Variants in VMP1 observed in about 807,000 individuals in gnomAD.
VMP1 encodes ectopic P-granules autophagy protein 3 homolog.
In VMP1, 11 loss-of-function variants were observed where a neutral mutation model predicts 56.0. That is an observed-to-expected ratio of 0.20 (90% confidence interval 0.12 to 0.32). The LOEUF (loss-of-function observed/expected upper bound fraction) is 0.32. VMP1 is among the 10% of genes least tolerant of loss of function. The pLI is 1.00. For missense variants in VMP1, 296 were observed against 490.3 expected, an observed-to-expected ratio of 0.60 and a Z score of 3.74; for synonymous variants, 149 against 165.0, an observed-to-expected ratio of 0.90 and a Z score of 0.74.
intron 5 of VMP1, among the ~76,000 whole-genome samples, chr17:59,750,302 A>T (rs1309366269): frequency 2.1e-4 from 30 of 143,112 alleles, no homozygotes; most frequent in East Asian, 6.1e-4. Context: ...ACAATGAATA[A>T]TTTTTTTTTT....
intron 7 of VMP1, among the ~76,000 whole-genome samples, chr17:59,780,418 G>A (rs929473652): frequency 4.6e-5 from 7 of 152,074 alleles, no homozygotes; most frequent in Non-Finnish European, 7.4e-5. Context: ...TGGTGAAACC[G>A]CATCTCTACC....
At chr17:59,748,206 A>G (rs998184764) in intron 5 of VMP1, among the ~76,000 whole-genome samples, 1 of 151,982 alleles carries the variant, frequency 6.6e-6, no homozygotes, top group Non-Finnish European at 1.5e-5. Context: ...AAAAAAAAAA[A>G]AAAAAAAAAA....
intron 10 of VMP1, among the ~76,000 whole-genome samples, chr17:59,819,571 A>G (rs964948833): frequency 6.6e-6 from 1 of 152,164 alleles, no homozygotes; most frequent in Admixed American, 6.6e-5. Context: ...CTTCTGCATC[A>G]GCCTCCTGAG....
chr17:59,716,170 G>A (rs566936138), intron 1 of VMP1, among the ~76,000 whole-genome samples: 1 of 152,258 alleles, frequency 6.6e-6, no homozygotes, highest in Admixed American at 6.5e-5. Context: ...ATAAATGTCA[G>A]AGCAAGTGTT....
intron 7 of VMP1, among the ~76,000 whole-genome samples, chr17:59,777,276 T>TA (rs752419887): frequency 6.6e-6 from 1 of 152,228 alleles, no homozygotes; most frequent in Non-Finnish European, 1.5e-5. Flanking sequence ...GAAAATGTGA[T>TA]ACCATACATT....
chr17:59,734,708 G>A (rs1231397013), intron 2 of VMP1, among the ~76,000 whole-genome samples: 2 of 151,958 alleles, frequency 1.3e-5, no homozygotes, highest in Non-Finnish European at 2.9e-5. Context: ...ATTCCAGCTT[G>A]GGCAACGGAA....
chr17:59,822,896 G>A (rs1476769600), intron 10 of VMP1, among the ~76,000 whole-genome samples: 5 of 152,058 alleles, frequency 3.3e-5, no homozygotes, highest in African/African-American at 9.7e-5. Flanking sequence ...TGGAAACATA[G>A]TAAGACTCTG....
intron 1 of VMP1, among the ~76,000 whole-genome samples, chr17:59,712,194 T>C (rs1041862424): frequency 1.3e-5 from 2 of 152,220 alleles, no homozygotes; most frequent in Admixed American, 6.5e-5. Context: ...CAAGAACTCT[T>C]TCCCAGCCCT....
chr17:59,784,873 T>A (rs184723644), intron 7 of VMP1: 20 of 152,302 alleles, frequency 1.3e-4, no homozygotes, highest in African/African-American at 4.1e-4. Flanking sequence ...TTTTACTTTT[T>A]AAAATTTTTT....
At chr17:59,811,329 G>A (rs556622285) in intron 8 of VMP1, among the ~76,000 whole-genome samples, 20 of 152,218 alleles carry the variant, frequency 1.3e-4, no homozygotes, top group African/African-American at 4.3e-4. Flanking sequence ...TCAACTGAAC[G>A]GGATTAAATT....
chr17:59,759,830 T>C (rs2035975329), intron 5 of VMP1, among the ~76,000 whole-genome samples: 1 of 152,022 alleles, frequency 6.6e-6, no homozygotes, highest in African/African-American at 2.4e-5. Context: ...TTTTCATTCC[T>C]TTTTCTTTTT....
chr17:59,715,134 C>A (rs2034102602), intron 1 of VMP1, among the ~76,000 whole-genome samples: 1 of 152,168 alleles, frequency 6.6e-6, no homozygotes, highest in Non-Finnish European at 1.5e-5. Context: ...TTTCGCTACT[C>A]TAAGTTTTTG....
At chr17:59,818,247 G>T (rs1208657937) in intron 10 of VMP1, among the ~76,000 whole-genome samples, 1 of 151,782 alleles carries the variant, frequency 6.6e-6, no homozygotes, top group African/African-American at 2.4e-5. Flanking sequence ...GGCACCTATA[G>T]TCCCAGCTGC....
chr17:59,810,820 T>C (rs543565065), intron 8 of VMP1, among the ~76,000 whole-genome samples: 2 of 152,228 alleles, frequency 1.3e-5, no homozygotes, highest in Non-Finnish European at 2.9e-5. Flanking sequence ...AATTGGCTTA[T>C]TAATGGTTCA....
At chr17:59,751,743 T>TAA (rs1474929573) in intron 5 of VMP1, among the ~76,000 whole-genome samples, 1 of 45,676 alleles carries the variant, frequency 2.2e-5, no homozygotes. Flanking sequence ...AAACTCCGTC[T>TAA]CAAAAAAAAA....
intron 6 of VMP1, among the ~76,000 whole-genome samples, chr17:59,770,601 T>C (rs992518568): frequency 4.6e-5 from 7 of 151,794 alleles, no homozygotes; most frequent in Non-Finnish European, 8.8e-5. Flanking sequence ...TTTTTTTTTC[T>C]GAGGTGGGAT....
intron 7 of VMP1, among the ~76,000 whole-genome samples, chr17:59,775,319 T>G (rs1338988852): frequency 6.6e-6 from 1 of 151,806 alleles, no homozygotes; most frequent in African/African-American, 2.4e-5. Context: ...GGAGGCTGAG[T>G]TGGGAGGATC....
At chr17:59,838,267 T>C (rs2039047218) in intron 10 of VMP1, 28 bp from the exon 11 acceptor site, 1 of 1,594,262 alleles carries the variant, frequency 6.3e-7, no homozygotes, top group Non-Finnish European at 8.6e-7. Flanking sequence ...TGTGTCTTTT[T>C]CTTTGGGCTA....
intron 5 of VMP1, among the ~76,000 whole-genome samples, chr17:59,741,346 C>T (rs2035218297): frequency 6.6e-6 from 1 of 152,056 alleles, no homozygotes; most frequent in African/African-American, 2.4e-5. Context: ...ATGAGAGACA[C>T]AAGCTTCCCA....
Sources: allele counts gnomAD v4.1 joint callset (sites outside exome capture counted in the v4.1 genomes callset), GRCh38; gene constraint gnomAD v4.1.1; transcripts MANE v1.5; gene names NCBI Gene and HGNC (gene_info 2026-07-23, HGNC 2026-07-21).